Variants in TRPM3 observed in about 807,000 individuals in gnomAD.
TRPM3 encodes the protein long transient receptor potential channel 3.
A neutral mutation model predicts 181.2 loss-of-function variants in TRPM3; 77 were observed. That is an observed-to-expected ratio of 0.42 (90% CI 0.35 to 0.51). The LOEUF is 0.51. Ranked by LOEUF, TRPM3 falls within the 20% of genes least tolerant of loss-of-function variation. The pLI is 0.01. For missense variants in TRPM3, 1,759 were observed against 2,196.7 expected, an observed-to-expected ratio of 0.80 and a Z score of 3.98; for synonymous variants, 745 against 796.4, an observed-to-expected ratio of 0.94 and a Z score of 1.09.
chr9:71,070,954 G>A (rs936174326), intron 1 of TRPM3, among the ~76,000 whole-genome samples: 4 of 152,166 alleles, frequency 2.6e-5, no homozygotes, highest in African/African-American at 9.7e-5. Flanking sequence ...TTACAACCCT[G>A]TATTAGTGAG....
chr9:71,412,981 A>G (rs2093581325), intron 1 of TRPM3, among the ~76,000 whole-genome samples: 1 of 152,182 alleles, frequency 6.6e-6, no homozygotes, highest in African/African-American at 2.4e-5. Context: ...CATCATTCTG[A>G]GCAAACTATC....
chr9:70,606,328 T>G (rs1162455699), intron 19 of TRPM3, among the ~76,000 whole-genome samples: 1 of 152,228 alleles, frequency 6.6e-6, no homozygotes, highest in Non-Finnish European at 1.5e-5. Flanking sequence ...CAATTAACTG[T>G]TCACACCTCT....
chr9:71,273,623 A>T (rs2083969184), intron 1 of TRPM3, among the ~76,000 whole-genome samples: 1 of 152,202 alleles, frequency 6.6e-6, no homozygotes, highest in South Asian at 2.1e-4. Context: ...CGACTCTGGG[A>T]ACTTTACAAT....
chr9:71,289,343 A>T (rs2085583398), intron 1 of TRPM3, among the ~76,000 whole-genome samples: 1 of 152,098 alleles, frequency 6.6e-6, no homozygotes, highest in South Asian at 2.1e-4. Flanking sequence ...AAGCAATAAA[A>T]CTTCTAGAGA....
At chr9:71,257,294 G>A (rs542754694) in intron 1 of TRPM3, among the ~76,000 whole-genome samples, 99 of 152,242 alleles carry the variant, frequency 6.5e-4, no homozygotes, top group Admixed American at 1.1e-3. Context: ...GGAGAATATG[G>A]CAAATGACTA....
chr9:70,955,731 G>C (rs1421444893), intron 1 of TRPM3, among the ~76,000 whole-genome samples: 1 of 152,186 alleles, frequency 6.6e-6, no homozygotes, highest in South Asian at 2.1e-4. Flanking sequence ...CTTTTGATCT[G>C]GGCAAATTAC....
At chr9:70,973,717 A>C (rs970142799) in intron 1 of TRPM3, among the ~76,000 whole-genome samples, 1 of 152,230 alleles carries the variant, frequency 6.6e-6, no homozygotes, top group African/African-American at 2.4e-5. Flanking sequence ...CTGGCTATTA[A>C]ACATCACTCA....
intron 1 of TRPM3, among the ~76,000 whole-genome samples, chr9:70,980,389 A>AGG (rs2097353083): frequency 6.6e-6 from 1 of 151,736 alleles, no homozygotes; most frequent in South Asian, 2.1e-4. Flanking sequence ...AGAGAGAGAG[A>AGG]GGCGAAGGAG....
At chr9:70,671,038 G>GTA (rs985316975) in intron 9 of TRPM3, among the ~76,000 whole-genome samples, 3 of 152,100 alleles carry the variant, frequency 2.0e-5, no homozygotes, top group Non-Finnish European at 4.4e-5. Flanking sequence ...CAGGCACTGT[G>GTA]TATATGAGTA....
chr9:71,208,711 C>T (rs1359261173), intron 1 of TRPM3, among the ~76,000 whole-genome samples: 1 of 152,108 alleles, frequency 6.6e-6, no homozygotes, highest in African/African-American at 2.4e-5. Flanking sequence ...GCTATTAACA[C>T]AAGAATGGTT....
chr9:70,875,174 GC>G (rs1160726617), intron 1 of TRPM3, among the ~76,000 whole-genome samples: 2 of 151,864 alleles, frequency 1.3e-5, no homozygotes, highest in African/African-American at 4.8e-5. Context: ...ATGCATCCTA[GC>G]CGTGATTTGC....
At chr9:70,676,315 T>G (rs1335034667) in intron 9 of TRPM3, among the ~76,000 whole-genome samples, 1 of 152,190 alleles carries the variant, frequency 6.6e-6, no homozygotes, top group African/African-American at 2.4e-5. Flanking sequence ...GGTCTGACTT[T>G]ATATTGAATC....
chr9:71,277,871 G>A (rs1309557968), intron 1 of TRPM3, among the ~76,000 whole-genome samples: 1 of 150,102 alleles, frequency 6.7e-6, no homozygotes, highest in Admixed American at 6.6e-5. Context: ...AAAAGAGGAT[G>A]CAGAGACAAA....
intron 1 of TRPM3, among the ~76,000 whole-genome samples, chr9:70,929,976 T>G (rs2133394291): frequency 6.6e-6 from 1 of 152,324 alleles, no homozygotes; most frequent in South Asian, 2.1e-4. Context: ...ACAACAATTC[T>G]TATGAGATAG....
At chr9:70,894,968 T>C (rs201452202) in intron 1 of TRPM3, among the ~76,000 whole-genome samples, 2 of 152,154 alleles carry the variant, frequency 1.3e-5, no homozygotes, top group East Asian at 3.9e-4. Flanking sequence ...GCTGACTGTA[T>C]TGAGTGCTAG....
chr9:70,752,049 T>TGTGTGTGC (rs1273744922), intron 8 of TRPM3, among the ~76,000 whole-genome samples: 86 of 116,428 alleles, frequency 7.4e-4, no homozygotes, highest in South Asian at 1.2e-3. Context: ...TGTGTGTGTG[T>TGTGTGTGC]GCGCGCGCGC....
chr9:70,842,503 T>A (rs182485201), intron 5 of TRPM3, among the ~76,000 whole-genome samples: 136 of 152,200 alleles, frequency 8.9e-4, no homozygotes, highest in African/African-American at 3.1e-3. Flanking sequence ...TTAAAAAAAA[T>A]TTTTGTGGCT....
chr9:71,199,579 A>G (rs1031629931), intron 1 of TRPM3, among the ~76,000 whole-genome samples: 1 of 152,066 alleles, frequency 6.6e-6, no homozygotes, highest in South Asian at 2.1e-4. Context: ...CAGAGATTCA[A>G]CTTCTTCCTG....
intron 7 of TRPM3, among the ~76,000 whole-genome samples, chr9:70,782,821 C>T (rs1347333685): frequency 6.6e-6 from 1 of 151,802 alleles, no homozygotes; most frequent in Admixed American, 6.6e-5. Flanking sequence ...TTCGGGTTTG[C>T]AGTGTTAAGC....
Sources: gnomAD v4.1 joint callset for allele counts (sites outside exome capture counted in the v4.1 genomes callset) on GRCh38, gnomAD v4.1.1 for gene constraint, MANE v1.5 for transcripts, NCBI Gene and HGNC (gene_info 2026-07-23, HGNC 2026-07-21) for gene names.